Variants in KHDRBS2 observed in about 807,000 individuals in gnomAD.
KHDRBS2 encodes KH RNA binding domain containing, signal transduction associated 2.
In KHDRBS2, 26 loss-of-function variants were observed where a neutral mutation model predicts 44.3. The ratio of observed to expected loss-of-function variants is 0.59; its 90% CI spans 0.43 to 0.81. KHDRBS2 has a LOEUF of 0.81. KHDRBS2 is among the 40% of genes least tolerant of loss of function. The pLI is 0.00. For synonymous variants in KHDRBS2, 194 were observed against 151.1 expected (o/e 1.28, Z -2.08); for missense variants, 476 against 433.1 (o/e 1.10, Z -0.88).
intron 2 of KHDRBS2, among the ~76,000 whole-genome samples, chr6:62,157,492 G>GT (rs1236285606): frequency 6.6e-6 from 1 of 152,104 alleles, no homozygotes; most frequent in Non-Finnish European, 1.5e-5. Context: ...AATTAAACCA[G>GT]TTTTTGGGGT....
chr6:61,572,309 G>A, the KHDRBS2 span, among the ~76,000 whole-genome samples: 13 of 152,156 alleles, frequency 8.5e-5, no homozygotes, highest in East Asian at 1.9e-4. Context: ...AACAAGTAGC[G>A]AGATTGAATC....
At chr6:62,091,116 C>G (rs1799418684) in intron 2 of KHDRBS2, among the ~76,000 whole-genome samples, 2 of 152,052 alleles carry the variant, frequency 1.3e-5, no homozygotes, top group Non-Finnish European at 2.9e-5. Flanking sequence ...GATTGGATGA[C>G]CGTGGAGCAC....
chr6:61,593,633 CT>C, the KHDRBS2 span, among the ~76,000 whole-genome samples: 1 of 150,560 alleles, frequency 6.6e-6, no homozygotes, highest in Admixed American at 6.7e-5. Flanking sequence ...AAGAATAGTA[CT>C]TGTCATATAG....
At chr6:61,595,994 G>C in the KHDRBS2 span, among the ~76,000 whole-genome samples, 1 of 152,158 alleles carries the variant, frequency 6.6e-6, no homozygotes, top group South Asian at 2.1e-4. Flanking sequence ...GGATGGCTGT[G>C]AAAGGCAGGA....
chr6:61,776,153 A>G (rs2127579193), intron 6 of KHDRBS2, among the ~76,000 whole-genome samples: 1 of 152,352 alleles, frequency 6.6e-6, no homozygotes, highest in African/African-American at 2.4e-5. Flanking sequence ...AGATGGATCA[A>G]AGACTTACAT....
the KHDRBS2 span, among the ~76,000 whole-genome samples, chr6:61,663,500 C>CATATATATATAT: frequency 0.064 from 2,312 of 35,938 alleles, 630 homozygotes; most frequent in Admixed American, 0.07. Flanking sequence ...CATGAGACAC[C>CATATATATATAT]ATATATATAT....
At chr6:62,195,764 C>A (rs1283760304) in intron 1 of KHDRBS2, among the ~76,000 whole-genome samples, 1 of 152,056 alleles carries the variant, frequency 6.6e-6, no homozygotes, top group Non-Finnish European at 1.5e-5. Context: ...TCAGTGAATT[C>A]TCATCCCCAA....
intron 4 of KHDRBS2, among the ~76,000 whole-genome samples, chr6:61,954,368 T>A (rs576601236): frequency 1.1e-4 from 7 of 61,460 alleles, no homozygotes; most frequent in African/African-American, 2.5e-4. Flanking sequence ...CATACATATA[T>A]ACGTATGTAT....
At chr6:62,186,154 T>A (rs1176748187) in intron 1 of KHDRBS2, among the ~76,000 whole-genome samples, 1 of 152,098 alleles carries the variant, frequency 6.6e-6, no homozygotes. Flanking sequence ...TTCTAAGCCT[T>A]TTCTATGTAT....
At chr6:61,713,997 G>C (rs1009078577) in intron 7 of KHDRBS2, among the ~76,000 whole-genome samples, 2 of 151,840 alleles carry the variant, frequency 1.3e-5, no homozygotes, top group Non-Finnish European at 2.9e-5. Context: ...AATAATTCAT[G>C]ACTAAGACCA....
the KHDRBS2 span, among the ~76,000 whole-genome samples, chr6:61,636,562 G>A: frequency 6.6e-6 from 1 of 152,042 alleles, no homozygotes; most frequent in Admixed American, 6.6e-5. Flanking sequence ...TCAGCTCCCA[G>A]GGGACATTTG....
chr6:61,848,532 C>CATATATATGTATATATATACAT (rs1562294724), intron 6 of KHDRBS2, among the ~76,000 whole-genome samples: 580 of 28,144 alleles, frequency 0.021, 35 homozygotes, highest in Non-Finnish European at 0.03. Flanking sequence ...TATATATATA[C>CATATATATGTATATATATACAT]ATATATATGT....
intron 5 of KHDRBS2, among the ~76,000 whole-genome samples, chr6:61,900,196 T>C (rs115771199): frequency 0.013 from 1,964 of 152,198 alleles, 44 homozygotes; most frequent in African/African-American, 0.044. Context: ...AATTTATCTT[T>C]CTTAACTTTT....
At chr6:61,634,313 C>T in the KHDRBS2 span, among the ~76,000 whole-genome samples, 1 of 151,368 alleles carries the variant, frequency 6.6e-6, no homozygotes, top group Non-Finnish European at 1.5e-5. Flanking sequence ...TTGGAAACCA[C>T]TTCCAGTCTA....
intron 7 of KHDRBS2, among the ~76,000 whole-genome samples, chr6:61,701,268 A>G (rs1379705946): frequency 6.6e-6 from 1 of 152,036 alleles, no homozygotes; most frequent in Non-Finnish European, 1.5e-5. Context: ...AAGATGAAAC[A>G]AAAGTGAACA....
chr6:62,054,368 G>C (rs934783784), intron 2 of KHDRBS2, among the ~76,000 whole-genome samples: 2 of 152,042 alleles, frequency 1.3e-5, no homozygotes, highest in African/African-American at 2.4e-5. Context: ...TCCATTAACA[G>C]ACTCCTGTGT....
At chr6:62,074,423 C>A (rs529786494) in intron 2 of KHDRBS2, among the ~76,000 whole-genome samples, 1 of 151,866 alleles carries the variant, frequency 6.6e-6, no homozygotes, top group South Asian at 2.1e-4. Context: ...TATAGTCCAC[C>A]ATCTTCTTGG....
At position 61,700,891 on chromosome 6, in the gene KHDRBS2, G is replaced by A. The variant is rs574433272; in HGVS notation, c.894-3638C>T. 7.2e-5 allele frequency among the ~76,000 whole-genome samples: 11 copies of A among 151,772 alleles called. No homozygotes were observed. In the South Asian group the frequency reaches 1.2e-3, roughly 17 times the overall value. ...CTTATTTTACACTACTGCTTGCCTC[G>A]GGGATTGTTAAGAGAAAAATACATT... On this transcript the variant is annotated intron_variant, in intron 7 of 8. Coordinates refer to ENST00000281156, the MANE Select transcript of KHDRBS2 (RefSeq NM_152688.4).
chr6:61,677,746 T>G (rs1342738376), downstream of KHDRBS2, among the ~76,000 whole-genome samples: 1 of 151,936 alleles, frequency 6.6e-6, no homozygotes, highest in Non-Finnish European at 1.5e-5. Flanking sequence ...CTCTGTGTAC[T>G]TTTGTAAGTC....
Sources: allele counts gnomAD v4.1 joint callset (sites outside exome capture counted in the v4.1 genomes callset), GRCh38; gene constraint gnomAD v4.1.1; transcripts MANE v1.5; gene names NCBI Gene and HGNC (gene_info 2026-07-23, HGNC 2026-07-21).